Variants in ZBTB25 observed in about 807,000 individuals in gnomAD.
ZBTB25 encodes zinc finger and BTB domain containing 25.
ZBTB25 carries 20 observed loss-of-function variants against 34.2 expected under a neutral mutation model. The ratio of observed to expected loss-of-function variants is 0.58; its 90% confidence interval spans 0.41 to 0.85. The LOEUF (loss-of-function observed/expected upper bound fraction) is 0.85. ZBTB25 is among the 40% of genes least tolerant of loss of function. The probability of loss-of-function intolerance (pLI) is 0.00; values close to 1 mark genes in which losing one functional copy is unlikely to be tolerated. For missense variants in ZBTB25, 437 were observed against 521.8 expected (o/e 0.84, Z 1.58); for synonymous variants, 175 against 186.4 (o/e 0.94, Z 0.50).
Position 64,486,054 on chromosome 14 carries a change from C to T in ZBTB25, c.*869G>A, listed in dbSNP as rs1328121889. ...ATATACCACATCTGTAATCCCAGCACTTTGGGAGGCCAAGGCGGGCAGATG... is the reference window on the plus strand; with the variant it reads ...ATATACCACATCTGTAATCCCAGCATTTTGGGAGGCCAAGGCGGGCAGATG... On this transcript the variant is annotated 3_prime_UTR_variant, in exon 3 of 3. Coordinates refer to ENST00000608382, the MANE Select transcript of ZBTB25 (RefSeq NM_006977.5). 21 of 978,076 alleles carry T rather than the reference C, an allele frequency of 2.1e-5. No homozygotes were observed. The highest frequency in any genetic ancestry group is 2.4e-5 in the Non-Finnish European group (20 of 823,466). The allele number at this position is 978,076 out of a possible 1,614,324, so 60.6% of individuals were successfully genotyped here.
chr14:64,451,179 G>GTTTTA (rs926556660), intron 2 of ZBTB25, among the ~76,000 whole-genome samples: 1 of 151,810 alleles, frequency 6.6e-6, no homozygotes, highest in Non-Finnish European at 1.5e-5. Flanking sequence ...AAAAAATTTT[G>GTTTTA]TTTTATTTTA....
rs925713397 is a variant in ZBTB25 at position 64,492,264 on chromosome 14, C to T, written c.-7-1724G>A. ...TCTTGTTGACCAGGCTGGAGTGCAACGGCTCCATCTCGGCTTACTGCAACC... is the reference window on the plus strand; with the variant it reads ...TCTTGTTGACCAGGCTGGAGTGCAATGGCTCCATCTCGGCTTACTGCAACC... On this transcript the variant is annotated intron_variant, in intron 1 of 2. Transcript: ENST00000608382. 4.6e-5 allele frequency among the ~76,000 whole-genome samples: 7 copies of T among 151,716 alleles called. No homozygotes were observed. In the South Asian group the frequency reaches 1.3e-3, roughly 27 times the overall value.
intron 2 of ZBTB25, chr14:64,461,580 T>TCC (rs1340700597): frequency 6.9e-6 from 1 of 144,198 alleles, no homozygotes; most frequent in African/African-American, 2.8e-5. Flanking sequence ...TTCCTTTTTT[T>TCC]TTTTTTTTTT....
rs1164693685 is a variant in ZBTB25, at chr14:64,478,767, C to T, written c.*8156G>A. ...TCTCATTAGTCTTGACTCTATAAAG[C>T]ATGATCCAAAAGTAGCTAAGCCCTA... On this transcript the variant is annotated 3_prime_UTR_variant, in exon 3 of 3. Coordinates refer to ENST00000608382, the MANE Select transcript of ZBTB25 (RefSeq NM_006977.5). 6.6e-6 allele frequency: 1 copy of T among 152,192 alleles called. No individual in the cohort carries two copies. The highest frequency in any genetic ancestry group is 1.5e-5 in the Non-Finnish European group (1 of 68,038). The allele number at this position is 152,192 out of a possible 1,614,324, so 9.4% of individuals were successfully genotyped here.
chr14:64,484,001 A>C lies in ZBTB25; in HGVS notation c.*2922T>G, dbSNP rs911487642. 6.6e-6 allele frequency: 1 copy of C among 151,684 alleles called. No individual in the cohort carries two copies. Among genetic ancestry groups the C allele is most frequent in the African/African-American group, 2.4e-5 (1 of 41,282 alleles). 9.4% of individuals were successfully genotyped at this position (151,684 alleles called of 1,614,324 possible). ...GAATAAATGAAAACAACAATAACAA[A>C]AACTGGGGGTCAGTCCCACACCACT... is the stretch of plus-strand genomic sequence containing the variant. On this transcript the variant is annotated 3_prime_UTR_variant, in exon 3 of 3. Coordinates refer to ENST00000608382, the MANE Select transcript of ZBTB25 (RefSeq NM_006977.5).
chr14:64,490,051 T>C (rs960543687), intron 2 of ZBTB25, among the ~76,000 whole-genome samples: 34 of 149,032 alleles, frequency 2.3e-4, no homozygotes, highest in African/African-American at 8.4e-4. Context: ...CTACTAAAAA[T>C]ACAAAAATTA....
Position 64,458,246 on chromosome 14 carries a change from C to G in ZBTB25, c.174-8608G>C. 1 of 1,613,406 alleles carries G rather than the reference C, an allele frequency of 6.2e-7. No homozygotes were observed. The highest frequency in any genetic ancestry group is 8.5e-7 in the Non-Finnish European group (1 of 1,179,536). On this transcript the variant is annotated intron_variant, in intron 2 of 2. Coordinates refer to the ZBTB25 transcript ENST00000555220. The stretch of plus-strand genomic sequence containing the variant: ...CAATGCCTGGACTCCCCACCCGGCC[C>G]TGTTTTTATGATATTGATTTGGACC...
At chr14:64,468,799 G>T in intron 2 of ZBTB25, 1 of 1,614,080 alleles carries the variant, frequency 6.2e-7, no homozygotes. Context: ...TCCCAAGAGG[G>T]CCAAAAAGGA....
At chr14:64,498,445 C>G (rs1002199748) in intron 1 of ZBTB25, among the ~76,000 whole-genome samples, 5 of 151,412 alleles carry the variant, frequency 3.3e-5, no homozygotes, top group Non-Finnish European at 5.9e-5. Context: ...TCCTGAGTAG[C>G]TGGGATTACA....
At chr14:64,458,398 A>G in intron 2 of ZBTB25, 1 of 883,404 alleles carries the variant, frequency 1.1e-6, no homozygotes, top group South Asian at 1.3e-5. Flanking sequence ...AAAAATTCAC[A>G]TTCTAATGCT....
chr14:64,503,156 G>C lies in ZBTB25; in HGVS notation c.-8+505C>G, dbSNP rs191284998. 3.0e-3 allele frequency: 2,938 copies of C among 985,496 alleles called. 8 individuals carry two copies. The highest frequency in any genetic ancestry group is 6.6e-3 in the Admixed American group (108 of 16,286). 61.0% of individuals were successfully genotyped at this position (985,496 alleles called of 1,614,324 possible). A position where few individuals can be genotyped will look rare whatever the true frequency, so the allele number is the denominator to read the frequency against. On this transcript the variant is annotated intron_variant, in intron 1 of 2. Coordinates refer to ENST00000608382, the MANE Select transcript of ZBTB25 (RefSeq NM_006977.5). Reference sequence around the variant, plus strand: ...CAAAAAGAAAAACCGGATATGCTTAGAACAAGATAAACATAATTTGAAGAT... The same window carrying C: ...CAAAAAGAAAAACCGGATATGCTTACAACAAGATAAACATAATTTGAAGAT...
chr14:64,504,785 C>G (rs550792234), upstream of ZBTB25: 5 of 381,780 alleles, frequency 1.3e-5, no homozygotes, highest in Non-Finnish European at 2.3e-5. Flanking sequence ...AGCACAGTCC[C>G]TGGCAGAGCC....
At chr14:64,457,981 C>T (rs989536668) in intron 2 of ZBTB25, 1 of 592,274 alleles carries the variant, frequency 1.7e-6, no homozygotes, top group South Asian at 2.0e-5. Flanking sequence ...GCCTCAACCT[C>T]CTAGCCTCAA....
intron 1 of ZBTB25, among the ~76,000 whole-genome samples, chr14:64,497,585 T>C (rs1302258415): frequency 1.3e-5 from 2 of 152,234 alleles, no homozygotes; most frequent in Non-Finnish European, 2.9e-5. Context: ...TACATTATCA[T>C]AATAGTTTTA....
intron 2 of ZBTB25, among the ~76,000 whole-genome samples, chr14:64,455,949 G>T (rs1212628509): frequency 1.3e-5 from 2 of 152,200 alleles, no homozygotes; most frequent in African/African-American, 4.8e-5. Context: ...ATGTACATCA[G>T]TCTCCAGGAT....
Position 64,478,338 on chromosome 14 carries a change from G to A in ZBTB25, c.*8585C>T, listed in dbSNP as rs1413848270. The stretch of plus-strand genomic sequence containing the variant: ...GGTAAGAAAACTCTTAACTTATTCA[G>A]AATGGAATGGGTTGGAAAGTATGAG... On this transcript the variant is annotated 3_prime_UTR_variant, in exon 3 of 3. Transcript: ENST00000608382. 1.3e-5 allele frequency: 2 copies of A among 152,214 alleles called. No homozygotes were observed. Among genetic ancestry groups the A allele is most frequent in the Non-Finnish European group, 2.9e-5 (2 of 68,052 alleles). 9.4% of individuals were successfully genotyped at this position (152,214 alleles called of 1,614,324 possible). A position where few individuals can be genotyped will look rare whatever the true frequency, so the allele number is the denominator to read the frequency against.
At chr14:64,454,149 A>T (rs556350632) in intron 2 of ZBTB25, among the ~76,000 whole-genome samples, 295 of 152,322 alleles carry the variant, frequency 1.9e-3, no homozygotes, top group African/African-American at 6.8e-3. Context: ...GTCTGGCTCC[A>T]TTGCCCAGGC....
At chr14:64,457,473 T>G (rs968403271) in intron 2 of ZBTB25, among the ~76,000 whole-genome samples, 56 of 151,736 alleles carry the variant, frequency 3.7e-4, no homozygotes, top group Non-Finnish European at 5.0e-4. Flanking sequence ...TTTTTTTTTT[T>G]GAGATGGAGT....
intron 2 of ZBTB25, among the ~76,000 whole-genome samples, chr14:64,459,175 A>G (rs1213549582): frequency 6.6e-6 from 1 of 152,214 alleles, no homozygotes; most frequent in Admixed American, 6.6e-5. Context: ...TTGCCACCCC[A>G]CATCTCTTCC....
Sources: allele counts gnomAD v4.1 joint callset (sites outside exome capture counted in the v4.1 genomes callset), GRCh38; gene constraint gnomAD v4.1.1; transcripts MANE v1.5; gene names NCBI Gene and HGNC (gene_info 2026-07-23, HGNC 2026-07-21).